The following CALN1 variants were observed in gnomAD, a reference collection of about 807,000 sequenced individuals.
CALN1 encodes the protein calcium-binding protein 8.
In CALN1, 17 loss-of-function variants were observed where a neutral mutation model predicts 30.6. The observed-to-expected ratio is 0.56, with a 90% CI of 0.38 to 0.83. The LOEUF is 0.83. CALN1 is among the 40% of genes least tolerant of loss of function. CALN1 has a pLI of 0.00. For synonymous variants in CALN1, 156 were observed against 131.4 expected (o/e 1.19, Z -1.28); for missense variants, 291 against 354.9 (o/e 0.82, Z 1.45).
At chr7:72,345,070 CATGTT>C (rs1300338972) in intron 2 of CALN1, among the ~76,000 whole-genome samples, 3 of 147,816 alleles carry the variant, frequency 2.0e-5, no homozygotes, top group Non-Finnish European at 3.0e-5. Context: ...TATATTCATG[CATGTT>C]ATGTATAATT....
At chr7:72,047,786 G>T (rs1382372316) in intron 4 of CALN1, among the ~76,000 whole-genome samples, 2 of 152,164 alleles carry the variant, frequency 1.3e-5, no homozygotes, top group East Asian at 3.9e-4. Flanking sequence ...ATACTGCAGT[G>T]AACAGGGGGC....
chr7:71,990,801 G>A (rs978733591), intron 5 of CALN1, among the ~76,000 whole-genome samples: 2 of 152,038 alleles, frequency 1.3e-5, no homozygotes, highest in Admixed American at 1.3e-4. Flanking sequence ...TAATAAACTT[G>A]CTCTTACTTT....
chr7:71,878,237 A>G (rs190838588), intron 5 of CALN1, among the ~76,000 whole-genome samples: 52 of 152,248 alleles, frequency 3.4e-4, no homozygotes, highest in Admixed American at 2.7e-3. Flanking sequence ...TAAGATGTAT[A>G]AAAGTTTGTA....
At chr7:71,926,494 T>G (rs2129519458) in intron 5 of CALN1, among the ~76,000 whole-genome samples, 1 of 152,326 alleles carries the variant, frequency 6.6e-6, no homozygotes, top group African/African-American at 2.4e-5. Context: ...ACCCATTCTG[T>G]TACAGGGTTC....
intron 2 of CALN1, among the ~76,000 whole-genome samples, chr7:72,366,695 GA>G (rs1162923400): frequency 6.6e-6 from 1 of 151,992 alleles, no homozygotes; most frequent in Non-Finnish European, 1.5e-5. Flanking sequence ...TAATTGACAT[GA>G]AAAAAGTCTC....
chr7:72,410,943 G>A (rs1289122265), intron 1 of CALN1, among the ~76,000 whole-genome samples: 2 of 151,204 alleles, frequency 1.3e-5, no homozygotes, highest in African/African-American at 2.4e-5. Context: ...GGCATAAGAT[G>A]GGAAAAGAAA....
intron 2 of CALN1, among the ~76,000 whole-genome samples, chr7:72,394,786 T>C (rs1014315426): frequency 6.6e-6 from 1 of 151,716 alleles, no homozygotes; most frequent in Non-Finnish European, 1.5e-5. Flanking sequence ...CTCAGCCTGC[T>C]GAGTAGCTGA....
At chr7:72,117,007 T>C (rs894023325) in intron 3 of CALN1, among the ~76,000 whole-genome samples, 15 of 152,140 alleles carry the variant, frequency 9.9e-5, no homozygotes, top group Admixed American at 3.3e-4. Context: ...TTACAGGTCG[T>C]AGGGGGATTA....
intron 3 of CALN1, among the ~76,000 whole-genome samples, chr7:72,188,073 A>C (rs540545536): frequency 1.3e-5 from 2 of 152,302 alleles, no homozygotes; most frequent in South Asian, 4.1e-4. Context: ...GAGATTTCTT[A>C]AAGAACTGAA....
chr7:72,431,343 T>C (rs141678190), intron 1 of CALN1, among the ~76,000 whole-genome samples: 1 of 152,044 alleles, frequency 6.6e-6, no homozygotes, highest in East Asian at 1.9e-4. Context: ...AAACTGAGGG[T>C]TTGGGGGAAA....
At chr7:71,816,175 A>G (rs1435677267) in intron 5 of CALN1, among the ~76,000 whole-genome samples, 1 of 152,084 alleles carries the variant, frequency 6.6e-6, no homozygotes, top group Non-Finnish European at 1.5e-5. Flanking sequence ...TCTGTTCTAA[A>G]AAATTAAATT....
intron 5 of CALN1, among the ~76,000 whole-genome samples, chr7:71,863,683 C>A (rs555997504): frequency 6.6e-6 from 1 of 152,122 alleles, no homozygotes; most frequent in East Asian, 1.9e-4. Context: ...TGGGAAGGCT[C>A]CACGCAGGAG....
chr7:72,410,583 T>C (rs950981608), intron 1 of CALN1, among the ~76,000 whole-genome samples: 1 of 152,244 alleles, frequency 6.6e-6, no homozygotes. Flanking sequence ...TCAATTCTTC[T>C]GCAAGTGAGA....
At chr7:72,255,865 C>T (rs1795874796) in intron 3 of CALN1, among the ~76,000 whole-genome samples, 1 of 151,852 alleles carries the variant, frequency 6.6e-6, no homozygotes, top group African/African-American at 2.4e-5. Context: ...TGAGTAGCTG[C>T]GATTACAGAT....
At chr7:72,001,120 A>T (rs188752197) in intron 5 of CALN1, among the ~76,000 whole-genome samples, 1 of 152,270 alleles carries the variant, frequency 6.6e-6, no homozygotes, top group Admixed American at 6.5e-5. Flanking sequence ...AGCATCAGGG[A>T]AAGGCAGTCT....
chr7:71,814,041 G>C (rs1788120535), intron 5 of CALN1, among the ~76,000 whole-genome samples: 1 of 151,982 alleles, frequency 6.6e-6, no homozygotes, highest in African/African-American at 2.4e-5. Flanking sequence ...TGCCCTCATA[G>C]AGTAAGTACA....
intron 3 of CALN1, among the ~76,000 whole-genome samples, chr7:72,125,456 G>C (rs1319213235): frequency 6.6e-6 from 1 of 152,190 alleles, no homozygotes; most frequent in African/African-American, 2.4e-5. Context: ...CATCCACTAG[G>C]GGAAGACAGA....
chr7:72,173,689 TTTTG>T (rs145993281), intron 3 of CALN1, among the ~76,000 whole-genome samples: 1,918 of 152,264 alleles, frequency 0.013, 43 homozygotes, highest in African/African-American at 0.043. Flanking sequence ...AGAAAGGTGG[TTTTG>T]TTTGTTTGTT....
chr7:72,253,098 T>C (rs1056815391), intron 3 of CALN1, among the ~76,000 whole-genome samples: 4 of 152,138 alleles, frequency 2.6e-5, no homozygotes, highest in African/African-American at 9.7e-5. Flanking sequence ...CCATCCACCC[T>C]GTTCTACCTG....
Sources: gnomAD v4.1 joint callset for allele counts (sites outside exome capture counted in the v4.1 genomes callset) on GRCh38, gnomAD v4.1.1 for gene constraint, MANE v1.5 for transcripts, NCBI Gene and HGNC (gene_info 2026-07-23, HGNC 2026-07-21) for gene names.